The following PDE3A variants were observed in gnomAD, a reference collection of about 807,000 sequenced individuals.
PDE3A encodes the protein cGMP-inhibited 3',5'-cyclic phosphodiesterase 3A.
A neutral mutation model predicts 98.3 loss-of-function variants in PDE3A; 43 were observed. The ratio of observed to expected loss-of-function variants is 0.44; its 90% CI spans 0.34 to 0.56. The LOEUF is 0.56. PDE3A is among the 20% of genes least tolerant of loss of function. The pLI, the probability that PDE3A is intolerant of heterozygous loss-of-function variation, is 0.01. For missense variants in PDE3A, 1,427 were observed against 1,440.7 expected (o/e 0.99, Z 0.15); for synonymous variants, 663 against 567.9 (o/e 1.17, Z -2.38).
chr12:20,452,901 T>C (rs1209794152), intron 1 of PDE3A, among the ~76,000 whole-genome samples: 1 of 152,208 alleles, frequency 6.6e-6, no homozygotes, highest in African/African-American at 2.4e-5. Context: ...GGGCCCCAAG[T>C]AGGGAATTAT....
At chr12:20,553,855 C>T (rs945877807) in intron 1 of PDE3A, among the ~76,000 whole-genome samples, 1 of 151,736 alleles carries the variant, frequency 6.6e-6, no homozygotes, top group Non-Finnish European at 1.5e-5. Context: ...AAAATGTCAA[C>T]CAGATTCTAG....
intron 1 of PDE3A, among the ~76,000 whole-genome samples, chr12:20,530,704 AAATT>A (rs749157515): frequency 1.4e-4 from 22 of 152,154 alleles, no homozygotes; most frequent in Non-Finnish European, 2.9e-4. Context: ...TTTCAAGCTA[AAATT>A]AATTAGTAAT....
intron 1 of PDE3A, among the ~76,000 whole-genome samples, chr12:20,452,181 C>G (rs142798802): frequency 6.6e-6 from 1 of 152,288 alleles, no homozygotes; most frequent in African/African-American, 2.4e-5. Context: ...TAGTTCTCAT[C>G]ATGGTTCATA....
chr12:20,653,584 G>A (rs978338906), intron 14 of PDE3A, among the ~76,000 whole-genome samples: 1 of 152,056 alleles, frequency 6.6e-6, no homozygotes, highest in Non-Finnish European at 1.5e-5. Flanking sequence ...GGCTGGTCTC[G>A]ATTTGCCCAC....
intron 2 of PDE3A, among the ~76,000 whole-genome samples, chr12:20,602,251 A>G (rs577711181): frequency 6.6e-6 from 1 of 152,316 alleles, no homozygotes; most frequent in South Asian, 2.1e-4. Flanking sequence ...AATTAAGAGA[A>G]AGAGAGAAAA....
rs750047216 is a variant in PDE3A at position 20,637,145 on chromosome 12, G to A, written c.2047G>A (p.Asp683Asn). 4 of 1,609,896 alleles carry A rather than the reference G, an allele frequency of 2.5e-6. No individual in the cohort carries two copies. The highest frequency in any genetic ancestry group is 2.5e-6 in the Non-Finnish European group (3 of 1,177,468). The change falls in exon 9 of 16, where the codon GAC becomes AAC. Residue 683 changes from aspartate (D) to asparagine (N), a missense_variant. Asp to Asn is a conservative substitution (Grantham distance 23). This residue lies in a region of PDE3A where 1,012 missense variants were observed against 886.5 expected (regional missense o/e 1.14). Transcript: ENST00000359062. The part of the protein sequence containing the change: ...APEPLVMDNL[D>N]SIMEQLNTWN... ...CGAACCTCTTGTCATGGATAACCTG[G>A]ACTCAATTATGGAGCAGCTAAATAC...
At chr12:20,588,794 A>T (rs1436755238) in intron 2 of PDE3A, among the ~76,000 whole-genome samples, 1 of 152,176 alleles carries the variant, frequency 6.6e-6, no homozygotes, top group Non-Finnish European at 1.5e-5. Context: ...GACCCTGGGG[A>T]CACATTCTCA....
chr12:20,548,530 A>G (rs887758117), intron 1 of PDE3A, among the ~76,000 whole-genome samples: 4 of 152,116 alleles, frequency 2.6e-5, no homozygotes, highest in East Asian at 1.9e-4. Flanking sequence ...TCCAGTCTCA[A>G]TCTCTCCCTC....
At chr12:20,373,744 A>C (rs1408180351) in intron 1 of PDE3A, among the ~76,000 whole-genome samples, 1 of 152,144 alleles carries the variant, frequency 6.6e-6, no homozygotes, top group African/African-American at 2.4e-5. Context: ...TGGATACAAC[A>C]TCATCCATTT....
At chr12:20,511,365 C>T (rs557890365) in intron 1 of PDE3A, among the ~76,000 whole-genome samples, 4 of 151,054 alleles carry the variant, frequency 2.6e-5, no homozygotes, top group East Asian at 3.9e-4. Context: ...CAGGAATATA[C>T]GAGAAAAGCT....
chr12:20,486,218 G>C (rs1401300450), intron 1 of PDE3A, among the ~76,000 whole-genome samples: 1 of 152,132 alleles, frequency 6.6e-6, no homozygotes, highest in Non-Finnish European at 1.5e-5. Context: ...CTACATGGCT[G>C]GGGAGGCCTC....
intron 1 of PDE3A, among the ~76,000 whole-genome samples, chr12:20,437,484 C>T (rs1944797011): frequency 6.6e-6 from 1 of 152,134 alleles, no homozygotes; most frequent in Non-Finnish European, 1.5e-5. Flanking sequence ...GTTCTGCAGA[C>T]TGGGCAAGCA....
At chr12:20,663,449 G>A (rs1253683774) in intron 15 of PDE3A, among the ~76,000 whole-genome samples, 1 of 142,444 alleles carries the variant, frequency 7.0e-6, no homozygotes, top group Non-Finnish European at 1.6e-5. Context: ...GCAGCTGGAG[G>A]GGAGGTGCTG....
At chr12:20,477,850 C>A (rs1213722408) in intron 1 of PDE3A, among the ~76,000 whole-genome samples, 1 of 152,144 alleles carries the variant, frequency 6.6e-6, no homozygotes, top group Non-Finnish European at 1.5e-5. Flanking sequence ...TTTAGAACAA[C>A]AAAGAATGGT....
intron 1 of PDE3A, among the ~76,000 whole-genome samples, chr12:20,535,063 T>C (rs993530441): frequency 6.6e-6 from 1 of 152,200 alleles, no homozygotes; most frequent in Non-Finnish European, 1.5e-5. Flanking sequence ...ATTACATAAA[T>C]AATCTGCTAT....
At chr12:20,413,944 G>A (rs117376355) in intron 1 of PDE3A, among the ~76,000 whole-genome samples, 3 of 152,144 alleles carry the variant, frequency 2.0e-5, no homozygotes, top group Non-Finnish European at 4.4e-5. Context: ...CTGTAAATTC[G>A]ATTTGATTTT....
chr12:20,448,085 G>T (rs925663435), intron 1 of PDE3A, among the ~76,000 whole-genome samples: 1 of 152,132 alleles, frequency 6.6e-6, no homozygotes, highest in Non-Finnish European at 1.5e-5. Context: ...TACTGAGATG[G>T]GAAGTCACAG....
intron 2 of PDE3A, among the ~76,000 whole-genome samples, chr12:20,577,119 C>T (rs528380299): frequency 6.6e-6 from 1 of 152,180 alleles, no homozygotes; most frequent in East Asian, 1.9e-4. Context: ...TCAGATTATA[C>T]ATGAACCACC....
At chr12:20,421,976 T>C (rs560840244) in intron 1 of PDE3A, among the ~76,000 whole-genome samples, 3 of 152,340 alleles carry the variant, frequency 2.0e-5, no homozygotes, top group Admixed American at 1.3e-4. Context: ...AGTATAAATT[T>C]CCTCTATAAG....
Sources: gnomAD v4.1 joint callset for allele counts (sites outside exome capture counted in the v4.1 genomes callset) on GRCh38, gnomAD v4.1.1 for gene constraint, gnomAD v4.1.1 regional missense constraint, MANE v1.5 for transcripts, NCBI Gene and HGNC (gene_info 2026-07-23, HGNC 2026-07-21) for gene names.